DLGAP1: variants seen among roughly 807,000 people sequenced by gnomAD.
The protein encoded by DLGAP1 is disks large-associated protein 1.
A neutral mutation model predicts 90.8 loss-of-function variants in DLGAP1; 11 were observed. The ratio of observed to expected loss-of-function variants is 0.12; its 90% CI spans 0.08 to 0.20. The LOEUF is 0.20. Among genes scored for constraint, DLGAP1 ranks in the 10% least tolerant of loss-of-function variants. The probability of loss-of-function intolerance (pLI) is 1.00; values close to 1 mark genes in which losing one functional copy is unlikely to be tolerated. For synonymous variants in DLGAP1, 558 were observed against 540.7 expected, an observed-to-expected ratio of 1.03 and a Z score of -0.44; for missense variants, 1,050 against 1,333.8, an observed-to-expected ratio of 0.79 and a Z score of 3.31.
At chr18:4,226,003 C>T (rs1445985950) in intron 1 of DLGAP1, among the ~76,000 whole-genome samples, 3 of 152,034 alleles carry the variant, frequency 2.0e-5, no homozygotes, top group African/African-American at 7.2e-5. Context: ...AATAATAAAA[C>T]TCCCAAATGT....
intron 2 of DLGAP1, among the ~76,000 whole-genome samples, chr18:4,065,425 A>G (rs553773980): frequency 6.6e-6 from 1 of 152,216 alleles, no homozygotes; most frequent in South Asian, 2.1e-4. Context: ...AGAAAACCCC[A>G]TAGTCTCAGC....
At chr18:4,173,825 A>C (rs2077062191) in intron 1 of DLGAP1, among the ~76,000 whole-genome samples, 1 of 152,206 alleles carries the variant, frequency 6.6e-6, no homozygotes, top group Non-Finnish European at 1.5e-5. Flanking sequence ...CCCCTGACAA[A>C]GGGGCAATTT....
At position 4,132,682 on chromosome 18, in the gene DLGAP1, G is replaced by A. The variant is rs77666871; in HGVS notation, c.-159+18498C>T. On this transcript the variant is annotated intron_variant, in intron 2 of 12. Coordinates refer to ENST00000315677, the MANE Select transcript of DLGAP1 (RefSeq NM_004746.4). ...AGAGCCTGGTGTCCTGCTGATTTCTGGCAAAAGAGTTCCCACTTAAAATTC... is the reference window on the plus strand; with the variant it reads ...AGAGCCTGGTGTCCTGCTGATTTCTAGCAAAAGAGTTCCCACTTAAAATTC... Among the ~76,000 whole-genome samples, 283 of 152,162 alleles carry A rather than the reference G, an allele frequency of 1.9e-3. 4 individuals are homozygous for A. In the East Asian group the frequency reaches 0.052, roughly 28 times the overall value.
chr18:4,116,342 T>C (rs1223458778), intron 2 of DLGAP1, among the ~76,000 whole-genome samples: 3 of 152,232 alleles, frequency 2.0e-5, no homozygotes, highest in African/African-American at 7.2e-5. Context: ...GTATTTCTCC[T>C]ACTTGGAGTT....
intron 1 of DLGAP1, among the ~76,000 whole-genome samples, chr18:4,283,663 A>G (rs553041773): frequency 6.6e-6 from 1 of 152,328 alleles, no homozygotes; most frequent in African/African-American, 2.4e-5. Flanking sequence ...AAAGGGATCA[A>G]ATAGTTTGGG....
At chr18:3,725,723 A>T (rs1846140423) in intron 7 of DLGAP1, among the ~76,000 whole-genome samples, 1 of 152,216 alleles carries the variant, frequency 6.6e-6, no homozygotes, top group African/African-American at 2.4e-5. Context: ...TACCATAGTT[A>T]GACAAGCCAA....
intron 7 of DLGAP1, among the ~76,000 whole-genome samples, chr18:3,672,270 T>C (rs1490609994): frequency 6.6e-6 from 1 of 150,426 alleles, no homozygotes; most frequent in Non-Finnish European, 1.5e-5. Context: ...TGGCTTCTAC[T>C]TATCTATTTC....
rs183059991 is a variant in DLGAP1, at chr18:4,349,935, G to A, written c.-267+105071C>T. 1.4e-3 allele frequency among the ~76,000 whole-genome samples: 216 copies of A among 152,230 alleles called. 2 individuals carry two copies. Among genetic ancestry groups the A allele is most frequent in the African/African-American group, 5.1e-3 (211 of 41,540 alleles). On this transcript the variant is annotated intron_variant, in intron 1 of 12. Transcript: ENST00000315677. Reference sequence around the variant, plus strand: ...TATCATAGGTAGGTTTTAATTAGTGGAGAATTATGCAAAAACATTTATTGA... The same window carrying A: ...TATCATAGGTAGGTTTTAATTAGTGAAGAATTATGCAAAAACATTTATTGA...
intron 3 of DLGAP1, among the ~76,000 whole-genome samples, chr18:3,961,080 G>A (rs146340510): frequency 2.6e-5 from 4 of 152,202 alleles, no homozygotes; most frequent in Non-Finnish European, 4.4e-5. Flanking sequence ...ACTACGAGTC[G>A]CCCTGGGCCG....
chr18:3,982,887 G>T (rs1220426870), intron 3 of DLGAP1, among the ~76,000 whole-genome samples: 1 of 152,194 alleles, frequency 6.6e-6, no homozygotes, highest in East Asian at 1.9e-4. Flanking sequence ...TATGAAATTT[G>T]TTTTGAATTT....
In DLGAP1 at chr18:3,497,022, T is replaced by G. The variant is rs2049717730; in HGVS notation, c.*2163A>C. The G allele has an allele frequency of 6.6e-6, 1 of 152,232 alleles. No homozygotes were observed. Among genetic ancestry groups the G allele is most frequent in the South Asian group, 2.1e-4 (1 of 4,836 alleles). 9.4% of individuals were successfully genotyped at this position (152,232 alleles called of 1,614,324 possible). A position where few individuals can be genotyped will look rare whatever the true frequency, so the allele number is the denominator to read the frequency against. ...TATTGTAGGATGATCTTGAGTCGTA[T>G]TAGAAATCTATTTCTTAATCCAAAT... On this transcript the variant is annotated 3_prime_UTR_variant, in exon 13 of 13. Transcript: ENST00000315677.
At chr18:4,393,910 G>A (rs970593529) in intron 1 of DLGAP1, among the ~76,000 whole-genome samples, 3 of 152,070 alleles carry the variant, frequency 2.0e-5, no homozygotes, top group East Asian at 1.9e-4. Flanking sequence ...ATCTAATGCC[G>A]CTGCTGATCT....
At chr18:4,152,426 G>C (rs116451385) in intron 1 of DLGAP1, among the ~76,000 whole-genome samples, 1,853 of 152,230 alleles carry the variant, frequency 0.012, 43 homozygotes, top group African/African-American at 0.043. Context: ...AGGTGATATG[G>C]CTCGATCAAT....
chr18:3,858,557 T>TATATATAA (rs139351089), intron 4 of DLGAP1, among the ~76,000 whole-genome samples: 2 of 151,138 alleles, frequency 1.3e-5, no homozygotes, highest in Admixed American at 1.3e-4. Flanking sequence ...TATATATATA[T>TATATATAA]AAAACACCTG....
At chr18:4,410,670 A>T (rs548410961) in intron 1 of DLGAP1, among the ~76,000 whole-genome samples, 21 of 135,220 alleles carry the variant, frequency 1.6e-4, no homozygotes, top group African/African-American at 6.0e-4. Context: ...ATTTTCAGAC[A>T]TACAATTCCC....
intron 5 of DLGAP1, among the ~76,000 whole-genome samples, chr18:3,787,259 G>A (rs1310598665): frequency 2.6e-5 from 4 of 152,026 alleles, no homozygotes; most frequent in South Asian, 2.1e-4. Context: ...CGAGGCGGGC[G>A]GATCACAAGA....
chr18:3,979,534 T>C (rs1183976324), intron 3 of DLGAP1, among the ~76,000 whole-genome samples: 1 of 152,070 alleles, frequency 6.6e-6, no homozygotes, highest in African/African-American at 2.4e-5. Context: ...AAGTAGAAAT[T>C]TGGTTATCTG....
chr18:3,945,212 T>C (rs2072853505), intron 3 of DLGAP1, among the ~76,000 whole-genome samples: 1 of 152,186 alleles, frequency 6.6e-6, no homozygotes, highest in Admixed American at 6.5e-5. Flanking sequence ...TTAACACATA[T>C]AAAATCCTTA....
chr18:4,365,936 A>G (rs1598292268), intron 1 of DLGAP1, among the ~76,000 whole-genome samples: 1 of 152,256 alleles, frequency 6.6e-6, no homozygotes, highest in South Asian at 2.1e-4. Flanking sequence ...TTTAAATGTT[A>G]TCAGCGTAAA....
Sources: allele counts gnomAD v4.1 joint callset (sites outside exome capture counted in the v4.1 genomes callset), GRCh38; gene constraint gnomAD v4.1.1; transcripts MANE v1.5; gene names NCBI Gene and HGNC (gene_info 2026-07-23, HGNC 2026-07-21).